DYNC1LI1: variants seen among roughly 807,000 people sequenced by gnomAD.
DYNC1LI1 encodes the protein cytoplasmic dynein 1 light intermediate chain 1.
A neutral mutation model predicts 63.8 loss-of-function variants in DYNC1LI1; 19 were observed. That is an observed-to-expected ratio of 0.30 (90% CI 0.21 to 0.44). The LOEUF (loss-of-function observed/expected upper bound fraction) is 0.44. Ranked by LOEUF, DYNC1LI1 falls within the 20% of genes least tolerant of loss-of-function variation. DYNC1LI1 has a pLI of 1.00. For synonymous variants in DYNC1LI1, 225 were observed against 232.3 expected (o/e 0.97, Z 0.28); for missense variants, 565 against 630.2 (o/e 0.90, Z 1.11).
chr3:32,537,169 A>AC, intron 5 of DYNC1LI1, 65 bp from the exon 6 acceptor site: 1 of 918,136 alleles, frequency 1.1e-6, no homozygotes, highest in Non-Finnish European at 1.6e-6. Flanking sequence ...TAGTAATTTA[A>AC]ACAGTTCAAT....
At chr3:32,561,002 CAAAAAAAA>C (rs59037467) in intron 2 of DYNC1LI1, among the ~76,000 whole-genome samples, 2 of 26,110 alleles carry the variant, frequency 7.7e-5, no homozygotes, top group Non-Finnish European at 1.4e-4. Context: ...AACTCCGTCT[CAAAAAAAA>C]AAAAAAAAAA....
chr3:32,562,809 T>C (rs1460152348), intron 2 of DYNC1LI1, among the ~76,000 whole-genome samples: 1 of 152,162 alleles, frequency 6.6e-6, no homozygotes, highest in African/African-American at 2.4e-5. Context: ...AGGTTCTAAT[T>C]TGTCCACAAC....
At chr3:32,569,765 GGCTGAAAA>G (rs1698316080) in intron 2 of DYNC1LI1, among the ~76,000 whole-genome samples, 1 of 152,100 alleles carries the variant, frequency 6.6e-6, no homozygotes, top group African/African-American at 2.4e-5. Context: ...ACATCCATTT[GGCTGAAAA>G]GACTTAACTA....
At chr3:32,532,624 T>C (rs1301004108) in intron 8 of DYNC1LI1, 1 of 163,400 alleles carries the variant, frequency 6.1e-6, no homozygotes. Context: ...TTTTCTTGGC[T>C]CTTGGCCAAG....
chr3:32,564,886 G>A (rs549624229), intron 2 of DYNC1LI1, among the ~76,000 whole-genome samples: 2 of 152,250 alleles, frequency 1.3e-5, no homozygotes, highest in Admixed American at 1.3e-4. Flanking sequence ...TCCCTTGCCA[G>A]TTACAAGTTA....
At chr3:32,564,480 C>G (rs1698233685) in intron 2 of DYNC1LI1, among the ~76,000 whole-genome samples, 1 of 152,220 alleles carries the variant, frequency 6.6e-6, no homozygotes, top group Non-Finnish European at 1.5e-5. Context: ...GGAACTACAA[C>G]AGCAGAACTG....
At chr3:32,565,443 A>G (rs1698245457) in intron 2 of DYNC1LI1, among the ~76,000 whole-genome samples, 1 of 152,228 alleles carries the variant, frequency 6.6e-6, no homozygotes, top group African/African-American at 2.4e-5. Flanking sequence ...AATGAATTCA[A>G]TTAATCTAAA....
intron 2 of DYNC1LI1, among the ~76,000 whole-genome samples, chr3:32,567,614 C>A (rs999612516): frequency 6.6e-6 from 1 of 151,820 alleles, no homozygotes; most frequent in Non-Finnish European, 1.5e-5. Flanking sequence ...TCTCAGCTCA[C>A]TGCAACTTCT....
chr3:32,542,849 TG>T (rs1368503314), intron 4 of DYNC1LI1, among the ~76,000 whole-genome samples: 1 of 152,222 alleles, frequency 6.6e-6, no homozygotes, highest in African/African-American at 2.4e-5. Flanking sequence ...TGAATTTACA[TG>T]GGGTCAAGGA....
intron 2 of DYNC1LI1, among the ~76,000 whole-genome samples, chr3:32,561,298 CA>C (rs1190966489): frequency 6.6e-6 from 1 of 151,478 alleles, no homozygotes; most frequent in African/African-American, 2.4e-5. Context: ...TTAGTATTGG[CA>C]ATGGTGCTAA....
Position 32,529,636 on chromosome 3 carries a change from C to G in DYNC1LI1, c.1210G>C (p.Gly404Arg). ...PVDASPRVPG[G>R]SPRTPNRSVS... ...GATCTATTTGGTGTTCGTGGGGAGC[C>G]TCCTGGGACTCTTGGTGAGGCATCC... Residue 404 changes from glycine to arginine, a missense_variant, in exon 11 of 13, where the codon GGC becomes CGC. By Grantham distance (125) the Gly-to-Arg change is moderately radical. Transcript: ENST00000273130. 4.4e-6 allele frequency: 7 copies of G among 1,606,860 alleles called. No homozygotes were observed. Among genetic ancestry groups the G allele is most frequent in the Non-Finnish European group, 5.9e-6 (7 of 1,176,772 alleles).
At chr3:32,543,717 T>C (rs999809182) in intron 4 of DYNC1LI1, among the ~76,000 whole-genome samples, 1 of 151,346 alleles carries the variant, frequency 6.6e-6, no homozygotes, top group Non-Finnish European at 1.5e-5. Context: ...ACCTATGTAT[T>C]TTCTTATGCA....
At chr3:32,551,586 A>T (rs566246164) in intron 2 of DYNC1LI1, among the ~76,000 whole-genome samples, 2 of 152,324 alleles carry the variant, frequency 1.3e-5, no homozygotes, top group African/African-American at 4.8e-5. Flanking sequence ...GAGTAAGTTT[A>T]GGAGTAAAGA....
intron 6 of DYNC1LI1, among the ~76,000 whole-genome samples, chr3:32,536,181 C>T (rs976701690): frequency 2.0e-5 from 3 of 152,178 alleles, no homozygotes; most frequent in Non-Finnish European, 4.4e-5. Context: ...AAATTAAACG[C>T]CCACTAATGA....
chr3:32,529,334 CTTT>C (rs140617005), intron 11 of DYNC1LI1, among the ~76,000 whole-genome samples: 2,132 of 152,148 alleles, frequency 0.014, 29 homozygotes, highest in Non-Finnish European at 0.024. Flanking sequence ...TATAACAAAA[CTTT>C]TATCATGGAA....
intron 5 of DYNC1LI1, among the ~76,000 whole-genome samples, chr3:32,538,616 G>A (rs1697834235): frequency 2.0e-5 from 3 of 152,038 alleles, no homozygotes; most frequent in Admixed American, 2.0e-4. Context: ...CAGGAGAATG[G>A]CGTGCACCTA....
Position 32,528,549 on chromosome 3 carries a change from A to C in DYNC1LI1, c.1359T>G (p.Ser453Arg). 1 of 1,613,888 alleles carries C rather than the reference A, an allele frequency of 6.2e-7. No homozygotes were observed. Among genetic ancestry groups the C allele is most frequent in the Non-Finnish European group, 8.5e-7 (1 of 1,179,864 alleles). The change falls in exon 12 of 13, where the codon AGT becomes AGG. Residue 453 changes from serine to arginine, a missense_variant. By Grantham distance (110) the Ser-to-Arg change is moderately radical. Coordinates refer to ENST00000273130, the MANE Select transcript of DYNC1LI1 (RefSeq NM_016141.4). Reference protein sequence around the residue: ...VLANFFNSLLSKKTGSPGGPG... With the variant: ...VLANFFNSLLRKKTGSPGGPG... ...GGCCTCCTGGAGAGCCAGTCTTTTT[A>C]CTCAACAAACTGTTGAAGAAATTTG...
Position 32,538,033 on chromosome 3 carries a change from T to A in DYNC1LI1, c.739-929A>T, listed in dbSNP as rs1339774298. Reference sequence around the variant, plus strand: ...AATATATATATATAATTTATATATATAATATATATATATAATTATATATAT... The same window carrying A: ...AATATATATATATAATTTATATATAAAATATATATATATAATTATATATAT... On this transcript the variant is annotated intron_variant, in intron 5 of 12. Coordinates refer to ENST00000273130, the MANE Select transcript of DYNC1LI1 (RefSeq NM_016141.4). 2.0e-3 allele frequency among the ~76,000 whole-genome samples: 20 copies of A among 10,070 alleles called. 1 individual carries two copies. Among genetic ancestry groups the A allele is most frequent in the South Asian group, 0.019 (4 of 214 alleles). The allele number at this position is 10,070 out of a possible 152,430, so 6.6% of individuals were successfully genotyped here.
rs1241268903 is a variant in DYNC1LI1 at position 32,545,853 on chromosome 3, CCT to C, written c.331_332del (p.Arg111GlyfsTer2). On this transcript the variant is annotated frameshift_variant, in exon 3 of 13. Coordinates refer to ENST00000273130, the MANE Select transcript of DYNC1LI1 (RefSeq NM_016141.4). LOFTEE classifies it high-confidence loss of function. Reference sequence around the variant, plus strand: ...TATGTTACAAATGACACTCACCATCCCTGTCTTCATCATGCACATTTAAGTAC... The same window carrying C: ...TATGTTACAAATGACACTCACCATCCGTCTTCATCATGCACATTTAAGTAC... ...YLYLNVHDED[R>X]DDQTRCNVWI... is the part of the protein sequence containing the mutation. 6.3e-7 allele frequency: 1 copy of C among 1,592,272 alleles called. No homozygotes were observed. The highest frequency in any genetic ancestry group is 8.6e-7 in the Non-Finnish European group (1 of 1,160,468).
Sources: allele counts gnomAD v4.1 joint callset (sites outside exome capture counted in the v4.1 genomes callset), GRCh38; gene constraint gnomAD v4.1.1; transcripts MANE v1.5; gene names NCBI Gene and HGNC (gene_info 2026-07-23, HGNC 2026-07-21).